SLC52A3: variants seen among roughly 807,000 people sequenced by gnomAD.
The protein encoded by SLC52A3 is solute carrier family 52 member 3.
In SLC52A3, 20 loss-of-function variants were observed where a neutral mutation model predicts 29.5. That is an observed-to-expected ratio of 0.68 (90% CI 0.48 to 0.99). The LOEUF is 0.99. Among genes scored for constraint, SLC52A3 ranks in the 50% least tolerant of loss-of-function variants. The pLI is 0.00. For missense variants in SLC52A3, 548 were observed against 612.9 expected (o/e 0.89, Z 1.12); for synonymous variants, 301 against 271.0 (o/e 1.11, Z -1.09).
intron 4 of SLC52A3, 84 bp from the exon 5 acceptor site, chr20:761,322 G>A: frequency 7.3e-7 from 1 of 1,368,620 alleles, no homozygotes; most frequent in Non-Finnish European, 9.9e-7. Flanking sequence ...AGGGCTCAGG[G>A]GAACCCACGG....
At chr20:766,619 A>G (rs1986694282) in intron 1 of SLC52A3, among the ~76,000 whole-genome samples, 1 of 151,472 alleles carries the variant, frequency 6.6e-6, no homozygotes, top group Admixed American at 6.6e-5. Context: ...CCAGGGAACA[A>G]CCCCCTTTGA....
exon 1 of SLC52A3, chr20:776,006 C>T (rs184657331): frequency 3.9e-5 from 6 of 152,388 alleles, no homozygotes; most frequent in East Asian, 3.9e-4. Flanking sequence ...AGAGGCAGCT[C>T]GTTTTGTATA....
Position 763,796 on chromosome 20 carries a change from G to A in SLC52A3, c.775C>T (p.Gln259Ter), listed in dbSNP as rs761042586. Residue 259 changes from glutamine (Q) to a stop codon, truncating the protein, a stop_gained, in exon 3 of 5, where the codon CAG becomes TAG. Coordinates refer to ENST00000645534, the MANE Select transcript of SLC52A3 (RefSeq NM_033409.4). LOFTEE classifies it high-confidence loss of function. The part of the protein sequence containing the change: ...EASVEDLLND[Q>*]VTLHSIRPRE... The stretch of plus-strand genomic sequence containing the variant: ...GGCCGGATGGAGTGGAGGGTGACCT[G>A]GTCATTGAGGAGGTCTTCCACGGAA... 1.1e-5 allele frequency: 17 copies of A among 1,613,994 alleles called. No individual in the cohort carries two copies. The highest frequency in any genetic ancestry group is 1.3e-5 in the African/African-American group (1 of 74,916).
At chr20:776,885 C>T (rs1740956003), upstream of SLC52A3, among the ~76,000 whole-genome samples, 1 of 150,148 alleles carries the variant, frequency 6.7e-6, no homozygotes, top group South Asian at 2.1e-4. Context: ...GCAGGGTTGG[C>T]GGTCCTGGTG....
intron 3 of SLC52A3, among the ~76,000 whole-genome samples, chr20:762,116 C>T (rs973547154): frequency 7.9e-5 from 12 of 152,156 alleles, no homozygotes; most frequent in African/African-American, 1.4e-4. Flanking sequence ...AGCTGAGACT[C>T]GCCTCTGAGC....
At chr20:764,431 G>A (rs907334133) in intron 2 of SLC52A3, among the ~76,000 whole-genome samples, 1 of 34,906 alleles carries the variant, frequency 2.9e-5, no homozygotes, top group Non-Finnish European at 7.8e-5. Flanking sequence ...CAGTGGAGCC[G>A]CCCACCTAAG....
At position 767,113 on chromosome 20, in the gene SLC52A3, C is replaced by A. The variant is rs866628056; in HGVS notation, c.-52+1184G>T. On this transcript the variant is annotated intron_variant, in intron 1 of 4. Transcript: ENST00000645534. Reference sequence around the variant, plus strand: ...TAATTAAAGGGACCTGCTGGAATACCACATACCTGTTTAAAGGAATAAGAA... The same window carrying A: ...TAATTAAAGGGACCTGCTGGAATACAACATACCTGTTTAAAGGAATAAGAA... Among the ~76,000 whole-genome samples the A allele has an allele frequency of 6.6e-5, 10 of 152,194 alleles. No homozygotes were observed. The Middle Eastern group carries it at 0.01, about 155-fold the overall frequency.
intron 3 of SLC52A3, among the ~76,000 whole-genome samples, chr20:762,894 G>A (rs1461495189): frequency 6.6e-6 from 1 of 152,162 alleles, no homozygotes; most frequent in Non-Finnish European, 1.5e-5. Flanking sequence ...TCTCCTACAG[G>A]GGTCTGAAGC....
chr20:771,172 C>T (rs1986832310), upstream of SLC52A3, among the ~76,000 whole-genome samples: 1 of 152,222 alleles, frequency 6.6e-6, no homozygotes, highest in South Asian at 2.1e-4. Context: ...ATAATTCCAG[C>T]ACTTTGGGAG....
upstream of SLC52A3, among the ~76,000 whole-genome samples, chr20:770,344 A>G (rs186639319): frequency 3.9e-5 from 6 of 152,174 alleles, no homozygotes; most frequent in Admixed American, 2.0e-4. This position sits in a 1 kb window ranked among gnomAD's most constrained non-coding sequence, Gnocchi z 4.5. Context: ...TTCTTAGTAG[A>G]GACGGGGTTT....
Position 765,491 on chromosome 20 carries a change from A to G in SLC52A3, c.284T>C (p.Met95Thr). 3 of 1,592,838 alleles carry G rather than the reference A, an allele frequency of 1.9e-6. No homozygotes were observed. Among genetic ancestry groups the G allele is most frequent in the Non-Finnish European group, 2.6e-6 (3 of 1,169,622 alleles). The change falls in exon 2 of 5, where the codon ATG (methionine) becomes ACG (threonine). Residue 95 changes from methionine (M) to threonine (T), a missense_variant. Coordinates refer to ENST00000645534, the MANE Select transcript of SLC52A3 (RefSeq NM_033409.4). This position sits in a 1 kb window ranked among gnomAD's most constrained non-coding sequence, Gnocchi z 6.6. ...GTGGCCGTCCAGCACCCAGGAGGTC[A>G]TATTCCAGAGGAAGGCAAAGATGAT... ...TCIIFAFLWN[M>T]TSWVLDGHHS... is the part of the protein sequence containing the mutation.
At chr20:773,284 A>T (rs976219042), upstream of SLC52A3, among the ~76,000 whole-genome samples, 19 of 152,214 alleles carry the variant, frequency 1.2e-4, no homozygotes, top group African/African-American at 4.1e-4. Context: ...TTATTGTGCC[A>T]GACCCTGTGC....
intron 1 of SLC52A3, among the ~76,000 whole-genome samples, chr20:766,593 C>T (rs1414073099): frequency 6.6e-6 from 1 of 151,878 alleles, no homozygotes; most frequent in Non-Finnish European, 1.5e-5. Context: ...CACCTTGTGA[C>T]CCCCACCCCT....
At chr20:771,994 A>G (rs1043663858), upstream of SLC52A3, among the ~76,000 whole-genome samples, 2 of 152,210 alleles carry the variant, frequency 1.3e-5, no homozygotes, top group Non-Finnish European at 2.9e-5. Flanking sequence ...CCTAGTAAAG[A>G]GGGCTAAGTC....
intron 4 of SLC52A3, 62 bp downstream of exon 4, chr20:761,639 C>T (rs754948051): frequency 6.2e-7 from 1 of 1,605,662 alleles, no homozygotes; most frequent in South Asian, 1.1e-5. Flanking sequence ...CCAAGCTCTC[C>T]CAGGCCTTGG....
chr20:778,222 C>T (rs1252153893), upstream of SLC52A3, among the ~76,000 whole-genome samples: 1 of 152,088 alleles, frequency 6.6e-6, no homozygotes, highest in African/African-American at 2.4e-5. Context: ...ACCATGTTGG[C>T]CAGGCTGGTC....
upstream of SLC52A3, among the ~76,000 whole-genome samples, chr20:779,299 A>G (rs1987150085): frequency 6.6e-6 from 1 of 152,226 alleles, no homozygotes; most frequent in Non-Finnish European, 1.5e-5. Flanking sequence ...ATAAAAGGGA[A>G]TTTATGCAAG....
At chr20:761,385 C>A in intron 4 of SLC52A3, 147 bp from the exon 5 acceptor site, 1 of 989,978 alleles carries the variant, frequency 1.0e-6, no homozygotes, top group Non-Finnish European at 1.4e-6. Context: ...GCGGGGCCGA[C>A]GGGTCCCATG....
chr20:774,980 G>A (rs1403061460), intron 1 of SLC52A3, among the ~76,000 whole-genome samples: 2 of 152,208 alleles, frequency 1.3e-5, no homozygotes, highest in Non-Finnish European at 2.9e-5. Context: ...AGCCTTTCTG[G>A]GCTCAGCAGA....
Sources: allele counts gnomAD v4.1 joint callset (sites outside exome capture counted in the v4.1 genomes callset), GRCh38; gene constraint gnomAD v4.1.1; non-coding constraint Gnocchi (gnomAD v3.1); transcripts MANE v1.5; gene names NCBI Gene and HGNC (gene_info 2026-07-23, HGNC 2026-07-21).